The following EEPD1 variants were observed in gnomAD, a reference collection of about 807,000 sequenced individuals.
EEPD1 encodes endonuclease/exonuclease/phosphatase family domain-containing protein 1.
EEPD1 carries 17 observed loss-of-function variants against 46.3 expected under a neutral mutation model. The observed-to-expected ratio is 0.37, with a 90% confidence interval of 0.25 to 0.55. The LOEUF (loss-of-function observed/expected upper bound fraction) is 0.55, where lower values mean the gene tolerates loss of function less well. EEPD1 is among the 20% of genes least tolerant of loss of function. EEPD1 has a pLI of 0.83. For missense variants in EEPD1, 673 were observed against 745.6 expected (o/e 0.90, Z 1.13); for synonymous variants, 313 against 315.6 (o/e 0.99, Z 0.09).
chr7:36,268,252 G>A (rs1787054711), intron 3 of EEPD1, among the ~76,000 whole-genome samples: 1 of 152,044 alleles, frequency 6.6e-6, no homozygotes. Context: ...CGCAGGTTCA[G>A]GTGATTCTCT....
intron 6 of EEPD1, among the ~76,000 whole-genome samples, chr7:36,290,955 T>G (rs1404148411): frequency 6.6e-6 from 1 of 152,204 alleles, no homozygotes; most frequent in Non-Finnish European, 1.5e-5. Flanking sequence ...ACTGCCTTGA[T>G]GTCATCACCG....
At position 36,287,754 on chromosome 7, in the gene EEPD1, A is replaced by G. The variant is rs201020599; in HGVS notation, c.1292A>G (p.Gln431Arg). 1.9e-6 allele frequency: 3 copies of G among 1,614,134 alleles called. No homozygotes were observed. Among genetic ancestry groups the G allele is most frequent in the Non-Finnish European group, 1.7e-6 (2 of 1,179,968 alleles). Residue 431 changes from glutamine (Q) to arginine (R), a missense_variant, in exon 6 of 8, where the codon CAG becomes CGG. Physicochemically the swap from Gln to Arg is conservative, Grantham distance 43. Transcript: ENST00000242108. ...GGCCACCGGTTGGCGAGCTTTGCAC[A>G]GACCCTACAGGAAACCCTGAAAGGT... ...SDGHRLASFAQTLQETLKGEK... is the reference protein window; with the variant it reads ...SDGHRLASFARTLQETLKGEK...
At chr7:36,219,841 TC>T (rs1221067655) in intron 2 of EEPD1, among the ~76,000 whole-genome samples, 6 of 48,820 alleles carry the variant, frequency 1.2e-4, no homozygotes, top group African/African-American at 3.0e-4. Context: ...GTGTGTGTGT[TC>T]ATTCTCACAG....
At chr7:36,277,212 G>T (rs1472993252) in intron 3 of EEPD1, among the ~76,000 whole-genome samples, 1 of 152,238 alleles carries the variant, frequency 6.6e-6, no homozygotes, top group Non-Finnish European at 1.5e-5. Context: ...TCGAGGCCAG[G>T]AAGTAGAGCA....
At chr7:36,253,451 G>C (rs1786779832) in intron 3 of EEPD1, among the ~76,000 whole-genome samples, 1 of 152,148 alleles carries the variant, frequency 6.6e-6, no homozygotes, top group African/African-American at 2.4e-5. Flanking sequence ...TGACTATCTG[G>C]AGGTCTAGTT....
intron 2 of EEPD1, among the ~76,000 whole-genome samples, chr7:36,168,388 C>T (rs1398544901): frequency 6.6e-6 from 1 of 152,130 alleles, no homozygotes; most frequent in East Asian, 1.9e-4. Flanking sequence ...ACTGGAATTA[C>T]CCAGCGCCCA....
At chr7:36,198,441 T>C (rs1226936482) in intron 2 of EEPD1, among the ~76,000 whole-genome samples, 1 of 147,740 alleles carries the variant, frequency 6.8e-6, no homozygotes, top group Non-Finnish European at 1.5e-5. Flanking sequence ...AAAAGAAATC[T>C]TTTAGCTCCA....
chr7:36,167,177 A>G (rs778561339), intron 2 of EEPD1, among the ~76,000 whole-genome samples: 9 of 152,192 alleles, frequency 5.9e-5, no homozygotes, highest in Admixed American at 2.0e-4. Flanking sequence ...TAAAGGCCCT[A>G]TCTCCAAATA....
rs1000115245 is a variant in EEPD1, at chr7:36,185,769, C to T, written c.878+30567C>T. ...TGCTTCCTAAGCAGGCTTAAGGTTTCGTTTTGTGCCCTTTGTGTTGGTGAC... is the reference window on the plus strand; with the variant it reads ...TGCTTCCTAAGCAGGCTTAAGGTTTTGTTTTGTGCCCTTTGTGTTGGTGAC... On this transcript the variant is annotated intron_variant, in intron 2 of 7. Transcript: ENST00000242108. Among the ~76,000 whole-genome samples the T allele has an allele frequency of 2.0e-5, 3 of 152,188 alleles. No individual in the cohort carries two copies. In the South Asian group the frequency reaches 6.2e-4, roughly 32 times the overall value.
intron 6 of EEPD1, among the ~76,000 whole-genome samples, chr7:36,296,045 A>AAG (rs1303129406): frequency 4.6e-5 from 7 of 151,266 alleles, no homozygotes; most frequent in Non-Finnish European, 1.0e-4. Context: ...AAAAAAAAAA[A>AAG]AAAAAAAAAA....
rs1404686805 is a variant in EEPD1, at chr7:36,219,802, A to AGTGTGTGTGT, written c.879-19182_879-19181insTGTGTGTGTG. ...GAGAGAGAGAGAGAGAGAGAGAGAG[A>AGTGTGTGTGT]GAGAGTGTGTGTGTGTGTGTGTGTG... On this transcript the variant is annotated intron_variant, in intron 2 of 7. Transcript: ENST00000242108. 8.1e-3 allele frequency among the ~76,000 whole-genome samples: 541 copies of AGTGTGTGTGT among 67,126 alleles called. 1 individual carries two copies. The highest frequency in any genetic ancestry group is 0.015 in the African/African-American group (351 of 22,744). 44.0% of individuals were successfully genotyped at this position (67,126 alleles called of 152,430 possible). A position where few individuals can be genotyped will look rare whatever the true frequency, so the allele number is the denominator to read the frequency against.
intron 3 of EEPD1, among the ~76,000 whole-genome samples, chr7:36,278,366 G>A (rs758046132): frequency 6.6e-6 from 1 of 152,168 alleles, no homozygotes; most frequent in South Asian, 2.1e-4. Flanking sequence ...GGTTAGGAGA[G>A]ATTAGATTTC....
In EEPD1 at chr7:36,225,511, G is replaced by C. The variant is rs772204763; in HGVS notation, c.879-13474G>C. Among the ~76,000 whole-genome samples the C allele has an allele frequency of 8.5e-5, 13 of 152,096 alleles. No individual in the cohort carries two copies. Among genetic ancestry groups the C allele is most frequent in the South Asian group, 6.2e-4 (3 of 4,826 alleles). On this transcript the variant is annotated intron_variant, in intron 2 of 7. Coordinates refer to ENST00000242108, the MANE Select transcript of EEPD1 (RefSeq NM_030636.3). This position sits in a 1 kb window ranked among gnomAD's most constrained non-coding sequence, Gnocchi z 4.2. ...AACTCAGAAAGAGACGGCCACATCT[G>C]AGCATACCCTGGGAATAATAAAGAA...
chr7:36,279,568 A>G (rs1179554978), intron 3 of EEPD1, among the ~76,000 whole-genome samples: 1 of 152,212 alleles, frequency 6.6e-6, no homozygotes, highest in Non-Finnish European at 1.5e-5. Context: ...CCCAGGGGGC[A>G]TGAGAGTGGC....
intron 2 of EEPD1, among the ~76,000 whole-genome samples, chr7:36,207,492 C>T (rs958616387): frequency 4.6e-5 from 7 of 152,282 alleles, no homozygotes; most frequent in East Asian, 3.9e-4. Flanking sequence ...AATCCTACCA[C>T]GTGTTCACAG....
intron 3 of EEPD1, among the ~76,000 whole-genome samples, chr7:36,275,921 C>T (rs988227097): frequency 6.7e-6 from 1 of 148,548 alleles, no homozygotes; most frequent in African/African-American, 2.4e-5. Context: ...GCAGAGTCAC[C>T]TGATCCACGG....
intron 2 of EEPD1, among the ~76,000 whole-genome samples, chr7:36,226,200 C>T (rs756510527): frequency 1.3e-5 from 2 of 152,080 alleles, no homozygotes; most frequent in African/African-American, 2.4e-5. Context: ...GCTGCTTGTC[C>T]GAAATGGGAT....
intron 2 of EEPD1, among the ~76,000 whole-genome samples, chr7:36,196,380 G>GTCTCCCTCTCCCA (rs1280243606): frequency 2.0e-5 from 3 of 151,342 alleles, no homozygotes; most frequent in Non-Finnish European, 4.4e-5. Context: ...CTCGTCTCCC[G>GTCTCCCTCTCCCA]TCTCCCTCTC....
rs572883165 is a variant in EEPD1 at position 36,245,186 on chromosome 7, C to G, written c.930+6150C>G. Among the ~76,000 whole-genome samples, 7 of 152,174 alleles carry G rather than the reference C, an allele frequency of 4.6e-5. No homozygotes were observed. In the South Asian group the frequency reaches 8.3e-4, roughly 18 times the overall value. On this transcript the variant is annotated intron_variant, in intron 3 of 7. Coordinates refer to ENST00000242108, the MANE Select transcript of EEPD1 (RefSeq NM_030636.3). ...TGGTCTTGATCTCCGGGCCTCAGGT[C>G]ATCCACCCACCTTGGTCTCCCAAAG... is the stretch of plus-strand genomic sequence containing the variant.
Sources: allele counts gnomAD v4.1 joint callset (sites outside exome capture counted in the v4.1 genomes callset), GRCh38; gene constraint gnomAD v4.1.1; non-coding constraint Gnocchi (gnomAD v3.1); transcripts MANE v1.5; gene names NCBI Gene and HGNC (gene_info 2026-07-23, HGNC 2026-07-21).